The following TSC22D1 variants were observed in gnomAD, a reference collection of about 807,000 sequenced individuals.
The protein encoded by TSC22D1 is TSC22 domain family member 1, also known as TSC22 domain family protein 1.
In TSC22D1, 9 loss-of-function variants were observed where a neutral mutation model predicts 74.2. That is an observed-to-expected ratio of 0.12 (90% CI 0.07 to 0.21). The LOEUF is 0.21. Among genes scored for constraint, TSC22D1 ranks in the 10% least tolerant of loss-of-function variants. The pLI is 1.00. For missense variants in TSC22D1, 1,427 were observed against 1,304.7 expected (o/e 1.09, Z -1.44); for synonymous variants, 586 against 492.5 (o/e 1.19, Z -2.51).
At position 44,575,692 on chromosome 13, in the gene TSC22D1, T is replaced by C; in HGVS notation, c.383A>G (p.Asn128Ser). 2 of 1,614,242 alleles carry C rather than the reference T, an allele frequency of 1.2e-6. No individual in the cohort carries two copies. Among genetic ancestry groups the C allele is most frequent in the Non-Finnish European group, 1.7e-6 (2 of 1,180,044 alleles). ...PAQISASISS[N>S]NSIAEDTESY... ...CTCAGTGTCCTCTGCTATACTGTTG[T>C]TAGAGCTGATACTAGCGGAGATCTG... The change falls in exon 1 of 3, where the codon AAC (asparagine) becomes AGC (serine). Residue 128 changes from asparagine (N) to serine (S), a missense_variant. By Grantham distance (46) the Asn-to-Ser change is conservative. Transcript: ENST00000458659.
intron 2 of TSC22D1, 175 bp downstream of exon 2, chr13:44,435,869 C>T (rs1459433844): frequency 2.9e-6 from 2 of 696,800 alleles, no homozygotes; most frequent in East Asian, 2.8e-5. Context: ...TTTCTCCCTC[C>T]ACGGCTGCCG....
intron 1 of TSC22D1, among the ~76,000 whole-genome samples, chr13:44,517,769 A>ATG (rs1215648296): frequency 2.9e-5 from 4 of 136,678 alleles, no homozygotes; most frequent in African/African-American, 8.1e-5. Flanking sequence ...GTGTGTATAT[A>ATG]TATATATACA....
chr13:44,497,973 C>G (rs1191007767), intron 1 of TSC22D1, among the ~76,000 whole-genome samples: 2 of 151,958 alleles, frequency 1.3e-5, no homozygotes, highest in African/African-American at 4.8e-5. Context: ...CTATTCTAGC[C>G]CCTTCCTATC....
Position 44,519,055 on chromosome 13 carries a change from C to T in TSC22D1, c.2912+54108G>A, listed in dbSNP as rs1158756386. On this transcript the variant is annotated intron_variant, in intron 1 of 2. Transcript: ENST00000458659. Reference sequence around the variant, plus strand: ...TAAGGTGTTAGAATCTAGAACCGGTCTAAATTTTTTTTCTTCAATAGCATT... The same window carrying T: ...TAAGGTGTTAGAATCTAGAACCGGTTTAAATTTTTTTTCTTCAATAGCATT... Among the ~76,000 whole-genome samples the T allele has an allele frequency of 1.3e-5, 2 of 152,098 alleles. 1 individual carries two copies. The highest frequency in any genetic ancestry group is 4.1e-4 in the South Asian group (2 of 4,830).
intron 1 of TSC22D1, among the ~76,000 whole-genome samples, chr13:44,458,589 T>A (rs1452688093): frequency 2.0e-5 from 3 of 151,756 alleles, no homozygotes; most frequent in African/African-American, 4.8e-5. Context: ...CAGGCACAGC[T>A]GCAGCTGCCC....
At chr13:44,541,282 AC>A (rs1487908792) in intron 1 of TSC22D1, among the ~76,000 whole-genome samples, 1 of 152,212 alleles carries the variant, frequency 6.6e-6, no homozygotes, top group Non-Finnish European at 1.5e-5. Flanking sequence ...CCATTACCTA[AC>A]AACATTTAGA....
At chr13:44,523,026 G>A (rs1324298422) in intron 1 of TSC22D1, among the ~76,000 whole-genome samples, 2 of 147,872 alleles carry the variant, frequency 1.4e-5, no homozygotes, top group Non-Finnish European at 3.0e-5. Context: ...TATCACCAAA[G>A]ATAATAGAGA....
Position 44,536,926 on chromosome 13 carries a change from GAAAAAAAAAAAAAAAA to G in TSC22D1, c.2912+36221_2912+36236del, listed in dbSNP as rs10596156. The G allele has an allele frequency of 3.8e-4, 186 of 495,174 alleles. 1 individual carries two copies. The Middle Eastern group carries it at 4.8e-3, about 13-fold the overall frequency. The allele number at this position is 495,174 out of a possible 1,614,324, so 30.7% of individuals were successfully genotyped here. A position where few individuals can be genotyped will look rare whatever the true frequency, so the allele number is the denominator to read the frequency against. On this transcript the variant is annotated intron_variant, in intron 1 of 2. Transcript: ENST00000458659. Reference sequence around the variant, plus strand: ...TAACAGTTCAAAAAAGTATTTTTCTGAAAAAAAAAAAAAAAAAAAAAAAAAAAAAAAAACAAAAAAA... The same window carrying G: ...TAACAGTTCAAAAAAGTATTTTTCTGAAAAAAAAAAAAAAAAACAAAAAAA...
At position 44,434,682 on chromosome 13, in the gene TSC22D1, C is replaced by T. The variant is rs1220295795; in HGVS notation, c.3166G>A (p.Gly1056Ser). The change falls in exon 3 of 3, where the codon GGC becomes AGC. Residue 1056 changes from glycine to serine, a missense_variant. This residue lies in a region of TSC22D1 where 63 missense variants were observed against 50.5 expected (regional missense o/e 1.25). Coordinates refer to ENST00000458659, the MANE Select transcript of TSC22D1 (RefSeq NM_183422.4). Reference sequence around the variant, plus strand: ...GGCTGGGCGGGGGGCTGTGTGGTGCCCTGTGGCTGGGTGGTGGCAGGGGGG... The same window carrying T: ...GGCTGGGCGGGGGGCTGTGTGGTGCTCTGTGGCTGGGTGGTGGCAGGGGGG... ...GSPPATTQPQ[G>S]TTQPPAQPAS... is the part of the protein sequence containing the mutation. The T allele has an allele frequency of 6.2e-7, 1 of 1,608,274 alleles. No individual in the cohort carries two copies. Among genetic ancestry groups the T allele is most frequent in the Non-Finnish European group, 8.5e-7 (1 of 1,177,790 alleles).
chr13:44,571,528 T>C (rs905674700), intron 1 of TSC22D1, among the ~76,000 whole-genome samples: 14 of 152,084 alleles, frequency 9.2e-5, no homozygotes, highest in Non-Finnish European at 1.5e-4. Context: ...TCAAAATGAG[T>C]GTTTTTGTTT....
rs373475880 is a variant in TSC22D1 at position 44,573,475 on chromosome 13, T to A, written c.2600A>T (p.Asn867Ile). ...AGGTTGACTAACACTTTGAACCAAATTACCATTTTGGGTAGCAGGGGTTTG... is the reference window on the plus strand; with the variant it reads ...AGGTTGACTAACACTTTGAACCAAAATACCATTTTGGGTAGCAGGGGTTTG... ...IAQTPATQNG[N>I]LVQSVSQPPL... is the part of the protein sequence containing the mutation. The change falls in exon 1 of 3, where the codon AAT (asparagine) becomes ATT (isoleucine). Residue 867 changes from asparagine (N) to isoleucine (I), a missense_variant. Transcript: ENST00000458659. The A allele has an allele frequency of 6.2e-7, 1 of 1,614,228 alleles. No homozygotes were observed. Among genetic ancestry groups the A allele is most frequent in the South Asian group, 1.1e-5 (1 of 91,088 alleles).
Position 44,433,927 on chromosome 13 carries a change from A to G in TSC22D1, c.*699T>C. 1 of 1,475,884 alleles carries G rather than the reference A, an allele frequency of 6.8e-7. No individual in the cohort carries two copies. 91.4% of individuals were successfully genotyped at this position (1,475,884 alleles called of 1,614,324 possible). ...CTAAATTTCAATCTGTACAACCTAA[A>G]TAGTAGTTACAGTCCTCTATTGTAC... is the stretch of plus-strand genomic sequence containing the variant. On this transcript the variant is annotated 3_prime_UTR_variant, in exon 3 of 3. Transcript: ENST00000458659.
At chr13:44,489,205 G>GCA (rs1555267263) in intron 1 of TSC22D1, among the ~76,000 whole-genome samples, 2 of 48,116 alleles carry the variant, frequency 4.2e-5, no homozygotes, top group African/African-American at 8.6e-5. Context: ...CTCATTTCAT[G>GCA]CAAAAAAAAA....
At chr13:44,505,213 G>A (rs1678106032) in intron 1 of TSC22D1, among the ~76,000 whole-genome samples, 1 of 152,176 alleles carries the variant, frequency 6.6e-6, no homozygotes. Flanking sequence ...AGGATCACTT[G>A]AAGCCAGGCG....
chr13:44,436,456 A>T, intron 1 of TSC22D1: 1 of 1,592,462 alleles, frequency 6.3e-7, no homozygotes, highest in Non-Finnish European at 8.6e-7. Context: ...GTATTATTAT[A>T]AGTATCCCAC....
At chr13:44,494,262 G>A (rs1209800908) in intron 1 of TSC22D1, among the ~76,000 whole-genome samples, 1 of 149,900 alleles carries the variant, frequency 6.7e-6, no homozygotes, top group Non-Finnish European at 1.5e-5. Context: ...TGTAATCCCA[G>A]GTACTTGGGA....
chr13:44,508,643 A>G (rs1470390724), intron 1 of TSC22D1, among the ~76,000 whole-genome samples: 1 of 152,110 alleles, frequency 6.6e-6, no homozygotes, highest in African/African-American at 2.4e-5. Flanking sequence ...CCAGTTAAAA[A>G]TCTTTCAACA....
At chr13:44,556,001 C>T (rs192439927) in intron 1 of TSC22D1, among the ~76,000 whole-genome samples, 13 of 152,136 alleles carry the variant, frequency 8.5e-5, no homozygotes, top group African/African-American at 1.4e-4. Flanking sequence ...CTTTCAGTCA[C>T]TTTTGGCTAT....
chr13:44,548,249 G>A (rs1350360694), intron 1 of TSC22D1, among the ~76,000 whole-genome samples: 2 of 152,208 alleles, frequency 1.3e-5, no homozygotes, highest in Non-Finnish European at 2.9e-5. Flanking sequence ...GGGCGCGGTG[G>A]CGCATGCCTG....
Sources: gnomAD v4.1 joint callset for allele counts (sites outside exome capture counted in the v4.1 genomes callset) on GRCh38, gnomAD v4.1.1 for gene constraint, gnomAD v4.1.1 regional missense constraint, MANE v1.5 for transcripts, NCBI Gene and HGNC (gene_info 2026-07-23, HGNC 2026-07-21) for gene names.